Variants in INPP4B observed in about 807,000 individuals in gnomAD.
The protein encoded by INPP4B is inositol polyphosphate-4-phosphatase type II B.
INPP4B carries 55 observed loss-of-function variants against 122.5 expected under a neutral mutation model. The ratio of observed to expected loss-of-function variants is 0.45; its 90% CI spans 0.36 to 0.56. The LOEUF (loss-of-function observed/expected upper bound fraction) is 0.56. Among genes scored for constraint, INPP4B ranks in the 20% least tolerant of loss-of-function variants. The probability of loss-of-function intolerance (pLI) is 0.00; values close to 1 mark genes in which losing one functional copy is unlikely to be tolerated. For synonymous variants in INPP4B, 403 were observed against 388.7 expected, an observed-to-expected ratio of 1.04 and a Z score of -0.43; for missense variants, 1,000 against 1,097.7, an observed-to-expected ratio of 0.91 and a Z score of 1.26.
At chr4:142,653,138 A>C (rs1753377208) in intron 2 of INPP4B, among the ~76,000 whole-genome samples, 1 of 152,196 alleles carries the variant, frequency 6.6e-6, no homozygotes, top group African/African-American at 2.4e-5. Flanking sequence ...ATCCCCTATT[A>C]ATAAATGGTG....
intron 2 of INPP4B, among the ~76,000 whole-genome samples, chr4:142,609,027 G>A (rs113666629): frequency 2.8e-4 from 42 of 151,992 alleles, no homozygotes; most frequent in African/African-American, 9.4e-4. Context: ...GTTCAGTCTC[G>A]CTACATGAAG....
intron 2 of INPP4B, among the ~76,000 whole-genome samples, chr4:142,639,037 C>T (rs377213259): frequency 6.6e-6 from 1 of 152,234 alleles, no homozygotes; most frequent in East Asian, 1.9e-4. Flanking sequence ...ATGACATGAT[C>T]ATATGGTTTT....
intron 25 of INPP4B, among the ~76,000 whole-genome samples, chr4:142,047,952 A>G (rs1752461355): frequency 6.6e-6 from 1 of 152,092 alleles, no homozygotes; most frequent in Non-Finnish European, 1.5e-5. Flanking sequence ...AAAGGAAATT[A>G]ACACTTATTC....
rs190263804 is a variant in INPP4B at position 142,411,679 on chromosome 4, G to A, written c.137-6355C>T. On this transcript the variant is annotated intron_variant, in intron 5 of 25. Transcript: ENST00000262992. The stretch of plus-strand genomic sequence containing the variant: ...GGCCCAGGCAGGCGGATCACTTGAG[G>A]TCAGAAGTTTGAGACCAGCCTGGCC... Among the ~76,000 whole-genome samples, 650 of 152,264 alleles carry A rather than the reference G, an allele frequency of 4.3e-3. 4 individuals carry two copies. The highest frequency in any genetic ancestry group is 0.015 in the African/African-American group (636 of 41,558).
chr4:142,795,294 A>C (rs2151075332), intron 1 of INPP4B: 1 of 152,142 alleles, frequency 6.6e-6, no homozygotes, highest in South Asian at 2.1e-4. Context: ...GTAGCCACAA[A>C]CTTCAAAATA....
chr4:142,798,484 TG>T (rs750342890), intron 1 of INPP4B, among the ~76,000 whole-genome samples: 7 of 151,936 alleles, frequency 4.6e-5, no homozygotes, highest in Non-Finnish European at 1.0e-4. Context: ...AGCTCACAGA[TG>T]TTGGAAGATG....
intron 10 of INPP4B, among the ~76,000 whole-genome samples, chr4:142,268,348 G>GAAAAA (rs1383781390): frequency 2.6e-4 from 7 of 26,768 alleles, no homozygotes; most frequent in Non-Finnish European, 4.6e-4. Flanking sequence ...AAAAAAAAAT[G>GAAAAA]AGGGGTAAGT....
intron 7 of INPP4B, among the ~76,000 whole-genome samples, chr4:142,316,391 A>G (rs1160123806): frequency 6.6e-6 from 1 of 152,196 alleles, no homozygotes; most frequent in Non-Finnish European, 1.5e-5. Context: ...CTATACGCAA[A>G]TAGTGGTGGT....
intron 12 of INPP4B, among the ~76,000 whole-genome samples, chr4:142,236,218 A>T (rs891970315): frequency 6.6e-6 from 1 of 152,176 alleles, no homozygotes; most frequent in African/African-American, 2.4e-5. Context: ...CTCTAGTAAG[A>T]GTGGTTCTTG....
chr4:142,339,356 G>GT (rs1483714698), intron 7 of INPP4B, among the ~76,000 whole-genome samples: 1 of 152,198 alleles, frequency 6.6e-6, no homozygotes, highest in South Asian at 2.1e-4. Flanking sequence ...GTAGATTATT[G>GT]TAAGTGCTGC....
Position 142,337,626 on chromosome 4 carries a change from T to A in INPP4B, c.373-22864A>T, listed in dbSNP as rs575138867. ...GGTTCAAATGTTCTGTTCTTTTTTT[T>A]TCCTATAGTTATTTATCTCATCTTA... On this transcript the variant is annotated intron_variant, in intron 7 of 25. Coordinates refer to ENST00000262992, the MANE Select transcript of INPP4B (RefSeq NM_001101669.3). Among the ~76,000 whole-genome samples the A allele has an allele frequency of 8.8e-5, 13 of 147,446 alleles. No individual in the cohort carries two copies. In the East Asian group the frequency reaches 2.5e-3, roughly 29 times the overall value.
chr4:142,486,456 G>C (rs1473512363), intron 2 of INPP4B, among the ~76,000 whole-genome samples: 2 of 151,988 alleles, frequency 1.3e-5, no homozygotes, highest in Admixed American at 6.6e-5. Context: ...TAACTAGGAA[G>C]TTTATTTTCT....
At chr4:142,545,757 ATG>A (rs1305983393) in intron 2 of INPP4B, among the ~76,000 whole-genome samples, 1 of 84,932 alleles carries the variant, frequency 1.2e-5, no homozygotes. Context: ...ATATATACAC[ATG>A]TATATGTGTG....
In INPP4B at chr4:142,498,132, T is replaced by C. The variant is rs567688431; in HGVS notation, c.-190-35406A>G. Among the ~76,000 whole-genome samples, 439 of 141,270 alleles carry C rather than the reference T, an allele frequency of 3.1e-3. 3 individuals carry two copies. The highest frequency in any genetic ancestry group is 0.012 in the African/African-American group (419 of 35,832). 92.7% of individuals were successfully genotyped at this position (141,270 alleles called of 152,430 possible). A position where few individuals can be genotyped will look rare whatever the true frequency, so the allele number is the denominator to read the frequency against. On this transcript the variant is annotated intron_variant, in intron 2 of 25. Coordinates refer to ENST00000262992, the MANE Select transcript of INPP4B (RefSeq NM_001101669.3). The stretch of plus-strand genomic sequence containing the variant: ...GTGTATATATATATACACACACACA[T>C]ATATGTATACATACATATGTGTATA...
At chr4:142,454,599 C>A (rs1202704793) in intron 3 of INPP4B, among the ~76,000 whole-genome samples, 1 of 152,024 alleles carries the variant, frequency 6.6e-6, no homozygotes, top group African/African-American at 2.4e-5. Context: ...TGTCATACAG[C>A]ATTTATCATC....
At chr4:142,030,113 A>C (rs1296397878) in intron 25 of INPP4B, 1 of 1,508,134 alleles carries the variant, frequency 6.6e-7, no homozygotes, top group Non-Finnish European at 8.9e-7. Flanking sequence ...AAGAAAAAGG[A>C]ATACAACATA....
At chr4:142,811,122 C>G (rs1779466731) in intron 1 of INPP4B, among the ~76,000 whole-genome samples, 1 of 152,180 alleles carries the variant, frequency 6.6e-6, no homozygotes, top group Non-Finnish European at 1.5e-5. Flanking sequence ...ATTGCTGCAG[C>G]AGTAGAGGCT....
intron 2 of INPP4B, among the ~76,000 whole-genome samples, chr4:142,581,190 G>A (rs534657774): frequency 6.6e-6 from 1 of 152,130 alleles, no homozygotes; most frequent in Admixed American, 6.6e-5. Flanking sequence ...ACTCTTTGCA[G>A]AAAGGATATA....
intron 3 of INPP4B, among the ~76,000 whole-genome samples, chr4:142,432,968 A>G (rs1268365866): frequency 6.6e-6 from 1 of 152,184 alleles, no homozygotes; most frequent in African/African-American, 2.4e-5. Flanking sequence ...TAAGATGTCT[A>G]CAAAGTCTCA....
Sources: gnomAD v4.1 joint callset for allele counts (sites outside exome capture counted in the v4.1 genomes callset) on GRCh38, gnomAD v4.1.1 for gene constraint, MANE v1.5 for transcripts, NCBI Gene and HGNC (gene_info 2026-07-23, HGNC 2026-07-21) for gene names.